The following RIC1 variants were observed in gnomAD, a reference collection of about 807,000 sequenced individuals.
RIC1 encodes the protein RIC1 partner of RAB6A GEF complex.
Under a neutral mutation model 169.0 loss-of-function variants are expected in RIC1, and 88 were observed. The ratio of observed to expected loss-of-function variants is 0.52; its 90% CI spans 0.44 to 0.62. RIC1 has a LOEUF of 0.62. Ranked by LOEUF, RIC1 falls within the 20% of genes least tolerant of loss-of-function variation. The pLI is 0.00. For synonymous variants in RIC1, 790 were observed against 601.5 expected (o/e 1.31, Z -4.59); for missense variants, 1,877 against 1,725.5 (o/e 1.09, Z -1.56).
At chr9:5,680,526 A>G (rs546716973) in intron 2 of RIC1, among the ~76,000 whole-genome samples, 40 of 152,208 alleles carry the variant, frequency 2.6e-4, no homozygotes, top group Non-Finnish European at 4.1e-4. Flanking sequence ...AGAGCCTGTT[A>G]TTGGTCTATT....
intron 1 of RIC1, among the ~76,000 whole-genome samples, chr9:5,655,475 A>G (rs1819040037): frequency 6.6e-6 from 1 of 151,626 alleles, no homozygotes. Context: ...TAATTTTTGT[A>G]TTTTTAGTAG....
At chr9:5,668,312 C>G (rs1333516521) in intron 2 of RIC1, among the ~76,000 whole-genome samples, 1 of 152,138 alleles carries the variant, frequency 6.6e-6, no homozygotes, top group Admixed American at 6.6e-5. Context: ...CACTGAGGAA[C>G]CCTTATATTT....
chr9:5,668,898 A>T (rs1310143339), intron 2 of RIC1, among the ~76,000 whole-genome samples: 1 of 151,898 alleles, frequency 6.6e-6, no homozygotes, highest in African/African-American at 2.4e-5. Context: ...TTCCTTAGGG[A>T]TGGTTTCTGC....
chr9:5,664,855 G>C (rs1219825662), intron 2 of RIC1, among the ~76,000 whole-genome samples: 1 of 152,070 alleles, frequency 6.6e-6, no homozygotes, highest in Non-Finnish European at 1.5e-5. Flanking sequence ...ATTTCAGCAA[G>C]ATAGTCTTCA....
At chr9:5,712,727 T>C (rs1380454690) in intron 3 of RIC1, 1 of 152,228 alleles carries the variant, frequency 6.6e-6, no homozygotes, top group East Asian at 1.9e-4. Context: ...CAGTAAATCA[T>C]CACAGACTGT....
intron 3 of RIC1, among the ~76,000 whole-genome samples, chr9:5,705,907 A>AT (rs1225821085): frequency 2.0e-5 from 3 of 151,816 alleles, no homozygotes; most frequent in Non-Finnish European, 2.9e-5. Flanking sequence ...TCATTCTGGG[A>AT]TTTTTCCCCT....
At chr9:5,724,862 T>C (rs949362401) in intron 6 of RIC1, among the ~76,000 whole-genome samples, 3 of 152,250 alleles carry the variant, frequency 2.0e-5, no homozygotes, top group African/African-American at 4.8e-5. Flanking sequence ...ATTACCGTTA[T>C]TGATTTTCGT....
At chr9:5,629,600 A>G in intron 1 of RIC1, 147 bp downstream of exon 1, 1 of 953,882 alleles carries the variant, frequency 1.0e-6, no homozygotes. Context: ...GTTCCACCGA[A>G]TTGGCCGCAG....
intron 1 of RIC1, among the ~76,000 whole-genome samples, chr9:5,632,694 T>C (rs572478638): frequency 2.0e-5 from 3 of 152,288 alleles, no homozygotes; most frequent in South Asian, 4.1e-4. Context: ...AAAGGACTAG[T>C]TTCAGCTTTG....
chr9:5,697,767 T>C (rs1235835584), intron 3 of RIC1, among the ~76,000 whole-genome samples: 1 of 152,224 alleles, frequency 6.6e-6, no homozygotes. Flanking sequence ...CATTTCAGAA[T>C]CATCTCAAAT....
In RIC1 at chr9:5,681,276, C is replaced by T. The variant is rs1820818713; in HGVS notation, c.253-8683C>T. Among the ~76,000 whole-genome samples the T allele has an allele frequency of 2.6e-5, 4 of 152,078 alleles. No homozygotes were observed. In the South Asian group the frequency reaches 8.3e-4, roughly 32 times the overall value. On this transcript the variant is annotated intron_variant, in intron 2 of 25. Coordinates refer to ENST00000414202, the MANE Select transcript of RIC1 (RefSeq NM_020829.4). The stretch of plus-strand genomic sequence containing the variant: ...GTTAGGGTGTCAATTTTAGATCTTT[C>T]CTGCTTTCTCTTGTGGGCATTTAGT...
intron 4 of RIC1, among the ~76,000 whole-genome samples, chr9:5,718,139 C>CCAAA (rs1823376126): frequency 3.6e-5 from 1 of 28,082 alleles, no homozygotes; most frequent in Non-Finnish European, 6.8e-5. Flanking sequence ...GACTCCGTCT[C>CCAAA]AAAAAAAAAA....
At chr9:5,741,387 T>A (rs980194542) in intron 8 of RIC1, among the ~76,000 whole-genome samples, 1 of 152,202 alleles carries the variant, frequency 6.6e-6, no homozygotes, top group Admixed American at 6.5e-5. Flanking sequence ...TTCTGGAAAA[T>A]TCTCAACCAG....
At chr9:5,758,070 A>G (rs1381577814) in intron 17 of RIC1, among the ~76,000 whole-genome samples, 1 of 152,226 alleles carries the variant, frequency 6.6e-6, no homozygotes, top group Non-Finnish European at 1.5e-5. Context: ...CTGGGAGGTC[A>G]TTGTAATGAT....
At chr9:5,687,581 ATTTAGAAGTATGCAGTTAAG>A (rs982080790) in intron 2 of RIC1, among the ~76,000 whole-genome samples, 8 of 152,082 alleles carry the variant, frequency 5.3e-5, no homozygotes, top group African/African-American at 1.9e-4. Flanking sequence ...TTCATGGGTT[ATTTAGAAGTATGCAGTTAAG>A]CTTCAAAATA....
chr9:5,664,223 C>T (rs1022165847), intron 2 of RIC1, among the ~76,000 whole-genome samples: 4 of 152,040 alleles, frequency 2.6e-5, no homozygotes, highest in African/African-American at 9.7e-5. Context: ...TCCTGGCCAA[C>T]ATTGTGAAAA....
chr9:5,664,978 C>G (rs1819666078), intron 2 of RIC1, among the ~76,000 whole-genome samples: 1 of 152,210 alleles, frequency 6.6e-6, no homozygotes, highest in Non-Finnish European at 1.5e-5. Flanking sequence ...ATGTTGCTCT[C>G]TAAACTGGCT....
intron 3 of RIC1, among the ~76,000 whole-genome samples, chr9:5,712,272 C>G (rs1375154931): frequency 6.6e-6 from 1 of 152,176 alleles, no homozygotes; most frequent in Non-Finnish European, 1.5e-5. Context: ...ACCATTCTAA[C>G]TGGTGTGAGA....
chr9:5,754,557 C>T (rs987480879), intron 14 of RIC1, among the ~76,000 whole-genome samples: 2 of 151,998 alleles, frequency 1.3e-5, no homozygotes, highest in African/African-American at 2.4e-5. Flanking sequence ...GACGAAACCC[C>T]GTCCCTACAA....
Sources: allele counts gnomAD v4.1 joint callset (sites outside exome capture counted in the v4.1 genomes callset), GRCh38; gene constraint gnomAD v4.1.1; transcripts MANE v1.5; gene names NCBI Gene and HGNC (gene_info 2026-07-23, HGNC 2026-07-21).